GPR158: variants seen among roughly 807,000 people sequenced by gnomAD.
GPR158 encodes G protein-coupled receptor 158, also known as metabotropic glycine receptor.
In GPR158, 30 loss-of-function variants were observed where a neutral mutation model predicts 78.2. The ratio of observed to expected loss-of-function variants is 0.38; its 90% CI spans 0.29 to 0.52. The LOEUF (loss-of-function observed/expected upper bound fraction) is 0.52. Among genes scored for constraint, GPR158 ranks in the 20% least tolerant of loss-of-function variants. The pLI, the probability that GPR158 is intolerant of heterozygous loss-of-function variation, is 0.83. For missense variants in GPR158, 1,463 were observed against 1,523.5 expected, an observed-to-expected ratio of 0.96 and a Z score of 0.66; for synonymous variants, 581 against 591.1, an observed-to-expected ratio of 0.98 and a Z score of 0.25.
At chr10:25,509,285 T>G (rs1379675234) in intron 5 of GPR158, among the ~76,000 whole-genome samples, 1 of 152,138 alleles carries the variant, frequency 6.6e-6, no homozygotes, top group Non-Finnish European at 1.5e-5. Flanking sequence ...ATATATAGAG[T>G]AAGTGTCCCC....
intron 2 of GPR158, among the ~76,000 whole-genome samples, chr10:25,292,350 T>A (rs948133896): frequency 7.9e-5 from 12 of 152,122 alleles, no homozygotes; most frequent in African/African-American, 2.7e-4. Context: ...TTAGACAGTC[T>A]CTTTGGAATG....
intron 2 of GPR158, among the ~76,000 whole-genome samples, chr10:25,348,331 A>G (rs1855402783): frequency 6.6e-6 from 1 of 151,614 alleles, no homozygotes; most frequent in Non-Finnish European, 1.5e-5. Flanking sequence ...GACAATAGAA[A>G]ACATTAAAGG....
intron 4 of GPR158, among the ~76,000 whole-genome samples, chr10:25,459,518 T>C (rs972445974): frequency 1.3e-5 from 2 of 152,166 alleles, no homozygotes; most frequent in African/African-American, 4.8e-5. Context: ...AGCTGCCTTG[T>C]TTTAGCAAGA....
chr10:25,556,867 GAACT>G (rs1318296056), intron 6 of GPR158, among the ~76,000 whole-genome samples: 1 of 151,970 alleles, frequency 6.6e-6, no homozygotes, highest in East Asian at 1.9e-4. Context: ...TGACCTTTCA[GAACT>G]AACTCTCATA....
chr10:25,273,449 G>A (rs1033864184), intron 2 of GPR158, among the ~76,000 whole-genome samples: 1 of 135,620 alleles, frequency 7.4e-6, no homozygotes, highest in South Asian at 2.3e-4. Flanking sequence ...AAGATTTTTG[G>A]TTGTTTTCCC....
chr10:25,492,233 G>T (rs932693400), intron 5 of GPR158, among the ~76,000 whole-genome samples: 1 of 152,142 alleles, frequency 6.6e-6, no homozygotes, highest in Non-Finnish European at 1.5e-5. Flanking sequence ...AATTCATTAA[G>T]GATCCACCTG....
chr10:25,317,716 G>GTTTTTTTTTTTTTTTTTTTTTTTTTTTTT (rs756759445), intron 2 of GPR158, among the ~76,000 whole-genome samples: 1 of 134,062 alleles, frequency 7.5e-6, no homozygotes, highest in African/African-American at 3.2e-5. Context: ...TTCGTAAAGT[G>GTTTTTTTTTTTTTTTTTTTTTTTTTTTTT]TTTTTTTTTG....
intron 5 of GPR158, among the ~76,000 whole-genome samples, chr10:25,472,929 A>G (rs1403799894): frequency 6.6e-6 from 1 of 152,084 alleles, no homozygotes; most frequent in Non-Finnish European, 1.5e-5. Context: ...CTCTTTTCCT[A>G]ATTGAATACC....
At chr10:25,199,056 C>T (rs1852883643) in intron 1 of GPR158, among the ~76,000 whole-genome samples, 1 of 147,560 alleles carries the variant, frequency 6.8e-6, no homozygotes, top group Non-Finnish European at 1.5e-5. Context: ...CATTTGCTTT[C>T]CTGCCCTGAC....
At chr10:25,529,335 C>G (rs1223711676) in intron 5 of GPR158, among the ~76,000 whole-genome samples, 2 of 151,830 alleles carry the variant, frequency 1.3e-5, no homozygotes, top group Non-Finnish European at 2.9e-5. Context: ...AGCAGTAAGC[C>G]GAGATTGCAC....
intron 2 of GPR158, among the ~76,000 whole-genome samples, chr10:25,269,206 A>G (rs1295005241): frequency 6.6e-6 from 1 of 152,226 alleles, no homozygotes; most frequent in East Asian, 1.9e-4. Flanking sequence ...CAGATGGTTT[A>G]TGTAGGAAAA....
intron 2 of GPR158, among the ~76,000 whole-genome samples, chr10:25,371,535 C>T (rs995891312): frequency 1.6e-4 from 24 of 150,112 alleles, no homozygotes; most frequent in African/African-American, 5.6e-4. Flanking sequence ...AGAACAGAGC[C>T]CTCAGAAATA....
Position 25,574,045 on chromosome 10 carries a change from G to C in GPR158, c.1753+1158G>C, listed in dbSNP as rs74783008. 9.5e-3 allele frequency among the ~76,000 whole-genome samples: 1,359 copies of C among 143,590 alleles called. 29 individuals carry two copies. Among genetic ancestry groups the C allele is most frequent in the African/African-American group, 0.034 (1,307 of 38,522 alleles). 94.2% of individuals were successfully genotyped at this position (143,590 alleles called of 152,430 possible). A position where few individuals can be genotyped will look rare whatever the true frequency, so the allele number is the denominator to read the frequency against. On this transcript the variant is annotated intron_variant, in intron 7 of 10. Coordinates refer to ENST00000376351, the MANE Select transcript of GPR158 (RefSeq NM_020752.3). ...TAGATAAAAAATTTCTACTCACCCT[G>C]ACATTATTTTATGCTCTCAGTGCAG... is the stretch of plus-strand genomic sequence containing the variant.
intron 2 of GPR158, among the ~76,000 whole-genome samples, chr10:25,376,169 G>A (rs147063561): frequency 6.6e-6 from 1 of 151,438 alleles, no homozygotes; most frequent in African/African-American, 2.4e-5. Context: ...AATTTTGGAT[G>A]ATTATAAATG....
chr10:25,505,780 C>T (rs1364017239), intron 5 of GPR158, among the ~76,000 whole-genome samples: 1 of 152,132 alleles, frequency 6.6e-6, no homozygotes, highest in African/African-American at 2.4e-5. Context: ...TTGTATGTGC[C>T]TCATGCAAAC....
intron 1 of GPR158, among the ~76,000 whole-genome samples, chr10:25,201,539 A>C (rs893551234): frequency 2.9e-4 from 44 of 152,086 alleles, no homozygotes; most frequent in African/African-American, 9.7e-4. Flanking sequence ...TACTATGTTG[A>C]ATAGCAGTGT....
At position 25,576,987 on chromosome 10, in the gene GPR158, AGT is replaced by A. The variant is rs1444131813; in HGVS notation, c.1753+4101_1753+4102del. On this transcript the variant is annotated intron_variant, in intron 7 of 10. Transcript: ENST00000376351. Reference sequence around the variant, plus strand: ...AGTGTTCTCAAAAAAAAAAAAAAAAAGTCAGGGCACATAATTTTAAAAAATAA... The same window carrying A: ...AGTGTTCTCAAAAAAAAAAAAAAAAACAGGGCACATAATTTTAAAAAATAA... Among the ~76,000 whole-genome samples, 18 of 144,620 alleles carry A rather than the reference AGT, an allele frequency of 1.2e-4. No individual in the cohort carries two copies. In the East Asian group the frequency reaches 2.5e-3, roughly 20 times the overall value. 94.9% of individuals were successfully genotyped at this position (144,620 alleles called of 152,430 possible). A position where few individuals can be genotyped will look rare whatever the true frequency, so the allele number is the denominator to read the frequency against.
chr10:25,277,390 A>G (rs1286234367), intron 2 of GPR158, among the ~76,000 whole-genome samples: 2 of 152,212 alleles, frequency 1.3e-5, no homozygotes, highest in Non-Finnish European at 2.9e-5. Flanking sequence ...CAAAATGATA[A>G]ATACGATATT....
chr10:25,308,958 T>G (rs1467181207), intron 2 of GPR158, among the ~76,000 whole-genome samples: 1 of 152,252 alleles, frequency 6.6e-6, no homozygotes, highest in Non-Finnish European at 1.5e-5. Flanking sequence ...TATCTGTTGA[T>G]GGACACTTGG....
Sources: allele counts gnomAD v4.1 joint callset (sites outside exome capture counted in the v4.1 genomes callset), GRCh38; gene constraint gnomAD v4.1.1; transcripts MANE v1.5; gene names NCBI Gene and HGNC (gene_info 2026-07-23, HGNC 2026-07-21).